Variants in CFAP92 observed in about 807,000 individuals in gnomAD.
CFAP92 encodes uncharacterized protein CFAP92.
In CFAP92, 86 loss-of-function variants were observed where a neutral mutation model predicts 106.3. The observed-to-expected ratio is 0.81, with a 90% CI of 0.68 to 0.97. The LOEUF (loss-of-function observed/expected upper bound fraction) is 0.97, where lower values mean the gene tolerates loss of function less well. CFAP92 is among the 50% of genes least tolerant of loss of function. The pLI, the probability that CFAP92 is intolerant of heterozygous loss-of-function variation, is 0.00. For missense variants in CFAP92, 1,204 were observed against 1,283.8 expected, an observed-to-expected ratio of 0.94 and a Z score of 0.95; for synonymous variants, 477 against 506.4, an observed-to-expected ratio of 0.94 and a Z score of 0.78.
chr3:128,999,390 TTTC>T (rs1300318836), intron 1 of CFAP92, among the ~76,000 whole-genome samples: 1 of 152,116 alleles, frequency 6.6e-6, no homozygotes, highest in African/African-American at 2.4e-5. Context: ...ATTTAAAAGC[TTTC>T]TTTTCAATAT....
In CFAP92 at chr3:128,988,793, G is replaced by C. The variant is rs1944024730; in HGVS notation, c.388C>G (p.Pro130Ala). 1 of 1,613,966 alleles carries C rather than the reference G, an allele frequency of 6.2e-7. No homozygotes were observed. ...AATAGCAATATGTCAACTTTTTTAG[G>C]TTCTTCATCGTCCGGCAGAAGGAAA... ...EYFLLPDDEE[P>A]KKVDILLFPM... The change falls in exon 3 of 16, where the codon CCT becomes GCT. Residue 130 changes from proline (P) to alanine (A), a missense_variant. Physicochemically the swap from Pro to Ala is conservative, Grantham distance 27. Transcript: ENST00000645291.
At chr3:128,938,757 G>A (rs1322912609) in intron 10 of CFAP92, among the ~76,000 whole-genome samples, 2 of 152,026 alleles carry the variant, frequency 1.3e-5, no homozygotes, top group African/African-American at 4.8e-5. Context: ...CTCCCAAAGT[G>A]CTGGGATTAC....
chr3:129,020,701 C>G, the CFAP92 span, among the ~76,000 whole-genome samples: 1 of 152,072 alleles, frequency 6.6e-6, no homozygotes, highest in Non-Finnish European at 1.5e-5. Context: ...TGGTAAGGCA[C>G]GCTTATTGGA....
At chr3:128,926,062 T>A (rs186492566) in intron 12 of CFAP92, among the ~76,000 whole-genome samples, 1 of 152,270 alleles carries the variant, frequency 6.6e-6, no homozygotes, top group Non-Finnish European at 1.5e-5. Flanking sequence ...CTCATTTGAA[T>A]AAAAGTAAAA....
At chr3:128,922,164 C>G (rs1437150536) in intron 12 of CFAP92, among the ~76,000 whole-genome samples, 2 of 151,540 alleles carry the variant, frequency 1.3e-5, no homozygotes, top group Non-Finnish European at 1.5e-5. Flanking sequence ...ACGGTGAAAC[C>G]CCGTCTCTAC....
Position 128,965,646 on chromosome 3 carries a change from T to TA in CFAP92, c.1217dup (p.Leu406PhefsTer60), listed in dbSNP as rs1337201331. The TA allele has an allele frequency of 2.5e-6, 1 of 398,704 alleles. No individual in the cohort carries two copies. Among genetic ancestry groups the TA allele is most frequent in the Non-Finnish European group, 4.4e-6 (1 of 226,034 alleles). The allele number at this position is 398,704 out of a possible 1,614,324, so 24.7% of individuals were successfully genotyped here. ...CTGTTTTTAAAGTCAAAAGGCAATC[T>TA]AAAATGTTGGCAGACTTCTCACTGC... On this transcript the variant is annotated frameshift_variant, in exon 9 of 16. Coordinates refer to ENST00000645291, the MANE Select transcript of CFAP92 (RefSeq NM_001394090.1). LOFTEE classifies it high-confidence loss of function.
chr3:128,934,084 A>T (rs1181978847), intron 11 of CFAP92, among the ~76,000 whole-genome samples: 1 of 152,140 alleles, frequency 6.6e-6, no homozygotes, highest in Non-Finnish European at 1.5e-5. Context: ...GGAAAGAAGC[A>T]GCCCCCTCCT....
intron 10 of CFAP92, among the ~76,000 whole-genome samples, chr3:128,937,383 T>C (rs13074978): frequency 0.37 from 55,455 of 148,892 alleles, 10,927 homozygotes; most frequent in East Asian, 0.55. Flanking sequence ...GAGGCCGAGG[T>C]GGGCAGATCA....
At chr3:128,990,210 T>C (rs1178497083) in intron 2 of CFAP92, among the ~76,000 whole-genome samples, 1 of 152,238 alleles carries the variant, frequency 6.6e-6, no homozygotes. Context: ...AAAACAAGTA[T>C]CCTTGCCCAG....
rs74888113 is a variant in CFAP92 at position 128,912,334 on chromosome 3, C to T, written c.3281-2001G>A. Among the ~76,000 whole-genome samples, 2,771 of 152,278 alleles carry T rather than the reference C, an allele frequency of 0.018. 87 individuals are homozygous for T. Among genetic ancestry groups the T allele is most frequent in the African/African-American group, 0.063 (2,613 of 41,528 alleles). The stretch of plus-strand genomic sequence containing the variant: ...TGTAACTGAGAATGAAGCTGTACCC[C>T]TTTCTCTCCCTGCAGCCCTGAATCA... On this transcript the variant is annotated intron_variant, in intron 15 of 15. Coordinates refer to ENST00000645291, the MANE Select transcript of CFAP92 (RefSeq NM_001394090.1).
intron 12 of CFAP92, among the ~76,000 whole-genome samples, chr3:128,927,020 G>A (rs889214611): frequency 3.9e-5 from 6 of 152,202 alleles, no homozygotes; most frequent in Admixed American, 3.3e-4. Flanking sequence ...TTTGAACCCG[G>A]GAGGTGGAGG....
At chr3:128,987,907 C>CCAGCCT in intron 3 of CFAP92, 78 bp from the exon 4 acceptor site, 2 of 1,234,832 alleles carry the variant, frequency 1.6e-6, no homozygotes, top group Non-Finnish European at 2.3e-6. Flanking sequence ...AGCCCCAGCC[C>CCAGCCT]CAGCCTGGCC....
At chr3:128,922,135 C>A (rs956576214) in intron 12 of CFAP92, among the ~76,000 whole-genome samples, 5 of 151,822 alleles carry the variant, frequency 3.3e-5, no homozygotes, top group African/African-American at 4.8e-5. Context: ...GTCAGGAGAT[C>A]GAGACCATTC....
chr3:128,983,537 G>A lies in CFAP92; in HGVS notation c.667+4079C>T, dbSNP rs554253276. 4.6e-5 allele frequency among the ~76,000 whole-genome samples: 7 copies of A among 152,178 alleles called. 1 individual carries two copies. In the South Asian group the frequency reaches 1.5e-3, roughly 32 times the overall value. ...TTTCATTTCTATCCCTAGAGGCCTC[G>A]CATGCACATGGCAGCCACCAAGAAT... is the stretch of plus-strand genomic sequence containing the variant. On this transcript the variant is annotated intron_variant, in intron 4 of 15. Transcript: ENST00000645291.
At chr3:129,003,951 C>G (rs749718016), upstream of CFAP92, 1 of 1,418,118 alleles carries the variant, frequency 7.1e-7, no homozygotes, top group South Asian at 1.4e-5. Flanking sequence ...CGGCGGCGCG[C>G]GGAGGAGGCC....
At chr3:129,001,738 A>T in intron 1 of CFAP92, 2 of 1,533,350 alleles carry the variant, frequency 1.3e-6, no homozygotes, top group South Asian at 2.4e-5. Flanking sequence ...CTGGCGCACC[A>T]CTACGGGCTG....
At chr3:128,955,523 G>A (rs1226103645) in intron 9 of CFAP92, among the ~76,000 whole-genome samples, 1 of 2,590 alleles carries the variant, frequency 3.9e-4, no homozygotes, top group South Asian at 0.031. Context: ...CCCCCCGACC[G>A]GCCAGCCGCC....
rs543075791 is a variant in CFAP92, at chr3:128,965,211, C to T, written c.1353+300G>A. On this transcript the variant is annotated intron_variant, in intron 9 of 15. Transcript: ENST00000645291. ...TGTACTTTGTGAGATCCACCCCTGC[C>T]CACCAGAGAACAACCCCCTTTGACT... is the stretch of plus-strand genomic sequence containing the variant. 2.0e-4 allele frequency among the ~76,000 whole-genome samples: 30 copies of T among 152,316 alleles called. No individual in the cohort carries two copies. The South Asian group carries it at 5.8e-3, about 29-fold the overall frequency.
At chr3:129,006,823 T>G (rs1945095798), upstream of CFAP92, among the ~76,000 whole-genome samples, 1 of 152,132 alleles carries the variant, frequency 6.6e-6, no homozygotes, top group South Asian at 2.1e-4. Flanking sequence ...GGGGCTGACC[T>G]CCTCTGCCCA....
Sources: gnomAD v4.1 joint callset for allele counts (sites outside exome capture counted in the v4.1 genomes callset) on GRCh38, gnomAD v4.1.1 for gene constraint, MANE v1.5 for transcripts, NCBI Gene and HGNC (gene_info 2026-07-23, HGNC 2026-07-21) for gene names.